The following NIBAN1 variants were observed in gnomAD, a reference collection of about 807,000 sequenced individuals.
The protein encoded by NIBAN1 is protein Niban 1.
Under a neutral mutation model 75.1 loss-of-function variants are expected in NIBAN1, and 81 were observed. The ratio of observed to expected loss-of-function variants is 1.08; its 90% CI spans 0.90 to 1.30. The LOEUF (loss-of-function observed/expected upper bound fraction) is 1.30, where lower values mean the gene tolerates loss of function less well. NIBAN1 is among the 50% of genes most tolerant of loss of function. The pLI, the probability that NIBAN1 is intolerant of heterozygous loss-of-function variation, is 0.00. For synonymous variants in NIBAN1, 436 were observed against 424.8 expected (o/e 1.03, Z -0.32); for missense variants, 1,133 against 1,128.1 (o/e 1.00, Z -0.06).
At chr1:184,867,871 G>A in intron 5 of NIBAN1, 1 of 985,426 alleles carries the variant, frequency 1.0e-6, no homozygotes, top group Non-Finnish European at 1.2e-6. Flanking sequence ...TACCTTAATA[G>A]AGGCTCTTTT....
chr1:184,948,910 T>C (rs1366131691), intron 1 of NIBAN1, among the ~76,000 whole-genome samples: 1 of 152,152 alleles, frequency 6.6e-6, no homozygotes. Context: ...GGATAATTTA[T>C]TTTTTTCTAT....
chr1:184,853,876 T>C (rs1444125897), intron 5 of NIBAN1, among the ~76,000 whole-genome samples: 1 of 152,162 alleles, frequency 6.6e-6, no homozygotes, highest in Non-Finnish European at 1.5e-5. Flanking sequence ...CCATTAAGAC[T>C]CTAGACTGGT....
intron 12 of NIBAN1, among the ~76,000 whole-genome samples, chr1:184,802,819 T>C (rs1436094348): frequency 6.6e-6 from 1 of 152,218 alleles, no homozygotes; most frequent in African/African-American, 2.4e-5. Flanking sequence ...GTGGTAGTAG[T>C]ACTTGATACC....
chr1:184,942,332 T>C (rs902942970), intron 1 of NIBAN1, among the ~76,000 whole-genome samples: 1 of 152,270 alleles, frequency 6.6e-6, no homozygotes, highest in Admixed American at 6.5e-5. Context: ...AGATGCAATC[T>C]GTGGGTTATA....
intron 13 of NIBAN1, among the ~76,000 whole-genome samples, chr1:184,797,777 C>G (rs1653917781): frequency 6.6e-6 from 1 of 152,222 alleles, no homozygotes; most frequent in East Asian, 1.9e-4. Flanking sequence ...TTTAATCTCA[C>G]TAAGCCTCAA....
intron 13 of NIBAN1, 102 bp downstream of exon 13, chr1:184,797,977 A>T: frequency 1.7e-6 from 1 of 591,746 alleles, no homozygotes; most frequent in Non-Finnish European, 2.9e-6. Flanking sequence ...ACCAATGTCC[A>T]TTTCCTCTTC....
At position 184,884,284 on chromosome 1, in the gene NIBAN1, C is replaced by T. The variant is rs1020764991; in HGVS notation, c.601+349G>A. On this transcript the variant is annotated intron_variant, in intron 5 of 13. Transcript: ENST00000367511. Reference sequence around the variant, plus strand: ...TGTCATCTGGGCTGGAGTGCAGTGGCGCGATCTCGGCTCACCACAGCCTCT... The same window carrying T: ...TGTCATCTGGGCTGGAGTGCAGTGGTGCGATCTCGGCTCACCACAGCCTCT... Among the ~76,000 whole-genome samples the T allele has an allele frequency of 3.0e-5, 4 of 135,368 alleles. 1 individual carries two copies. Among genetic ancestry groups the T allele is most frequent in the South Asian group, 2.4e-4 (1 of 4,184 alleles). The allele number at this position is 135,368 out of a possible 152,430, so 88.8% of individuals were successfully genotyped here.
intron 1 of NIBAN1, among the ~76,000 whole-genome samples, chr1:184,943,772 G>A (rs1175410934): frequency 6.6e-6 from 1 of 152,072 alleles, no homozygotes; most frequent in Non-Finnish European, 1.5e-5. Context: ...GCTCATATAA[G>A]TGGAATTTTA....
At chr1:184,908,978 C>A (rs1437081450) in intron 1 of NIBAN1, among the ~76,000 whole-genome samples, 1 of 152,160 alleles carries the variant, frequency 6.6e-6, no homozygotes, top group African/African-American at 2.4e-5. Flanking sequence ...GCCCATTAGA[C>A]AACCTTTCTT....
chr1:184,823,621 G>A lies in NIBAN1; in HGVS notation c.822+17C>T. ...CCATTTTGAGTAGCTCAGTTGTAGA[G>A]CAAAACCATTGCTTACACCAAGCCA... On this transcript the variant is annotated intron_variant, in intron 7 of 13. Transcript: ENST00000367511. 7 of 1,612,418 alleles carry A rather than the reference G, an allele frequency of 4.3e-6. No individual in the cohort carries two copies. Among genetic ancestry groups the A allele is most frequent in the Non-Finnish European group, 5.9e-6 (7 of 1,178,446 alleles).
intron 5 of NIBAN1, among the ~76,000 whole-genome samples, chr1:184,859,643 T>G (rs1655765055): frequency 6.6e-6 from 1 of 151,716 alleles, no homozygotes; most frequent in African/African-American, 2.4e-5. Context: ...GAGTTCTGAT[T>G]TTTTTTTTCT....
chr1:184,948,470 T>C (rs1458139036), intron 1 of NIBAN1, among the ~76,000 whole-genome samples: 8 of 152,228 alleles, frequency 5.3e-5, no homozygotes, highest in Non-Finnish European at 1.5e-5. Flanking sequence ...TGATGGCCTT[T>C]CTTTTTAAAA....
intron 9 of NIBAN1, among the ~76,000 whole-genome samples, chr1:184,808,924 ATGT>A (rs564252206): frequency 6.3e-4 from 96 of 152,342 alleles, no homozygotes; most frequent in Admixed American, 2.3e-3. Flanking sequence ...TTATCAACAA[ATGT>A]TGTTGCAACA....
intron 1 of NIBAN1, among the ~76,000 whole-genome samples, chr1:184,939,910 C>G (rs1658047751): frequency 1.3e-5 from 2 of 152,130 alleles, no homozygotes; most frequent in Non-Finnish European, 2.9e-5. Flanking sequence ...TCTCCACACT[C>G]CATTATGGCA....
rs1653777579 is a variant in NIBAN1 at position 184,794,354 on chromosome 1, G to C, written c.*623C>G. The stretch of plus-strand genomic sequence containing the variant: ...TAATAAGAAATTGATAGCAGGATGA[G>C]TAACAGGCCCAGACAGTCCCACAGA... On this transcript the variant is annotated 3_prime_UTR_variant, in exon 14 of 14. Coordinates refer to ENST00000367511, the MANE Select transcript of NIBAN1 (RefSeq NM_052966.4). 1 of 153,224 alleles carries C rather than the reference G, an allele frequency of 6.5e-6. No homozygotes were observed. Among genetic ancestry groups the C allele is most frequent in the South Asian group, 2.0e-4 (1 of 4,888 alleles). 9.5% of individuals were successfully genotyped at this position (153,224 alleles called of 1,614,324 possible).
In NIBAN1 at chr1:184,893,677, A is replaced by G. The variant is rs530561008; in HGVS notation, c.318+398T>C. Among the ~76,000 whole-genome samples, 4 of 152,292 alleles carry G rather than the reference A, an allele frequency of 2.6e-5. No homozygotes were observed. The South Asian group carries it at 8.3e-4, about 32-fold the overall frequency. ...GAGTGGGAAGACAGAGACATAGAGC[A>G]GAGATGTCAGGATGGTGGCTGAGAA... On this transcript the variant is annotated intron_variant, in intron 3 of 13. Coordinates refer to ENST00000367511, the MANE Select transcript of NIBAN1 (RefSeq NM_052966.4).
At chr1:184,970,434 A>G (rs959124853) in intron 1 of NIBAN1, among the ~76,000 whole-genome samples, 11 of 152,182 alleles carry the variant, frequency 7.2e-5, no homozygotes, top group African/African-American at 2.7e-4. Context: ...ACAGATGTGT[A>G]CAGCTCTCCC....
intron 1 of NIBAN1, among the ~76,000 whole-genome samples, chr1:184,937,138 C>A (rs1657982650): frequency 7.2e-6 from 1 of 139,482 alleles, no homozygotes. Context: ...CTGTTAATAG[C>A]TGGATTCTTT....
At chr1:184,812,702 C>G (rs1654418151) in intron 9 of NIBAN1, among the ~76,000 whole-genome samples, 1 of 152,206 alleles carries the variant, frequency 6.6e-6, no homozygotes, top group Non-Finnish European at 1.5e-5. Context: ...AAAGCCTTTG[C>G]AAACTCAAAG....
Sources: allele counts gnomAD v4.1 joint callset (sites outside exome capture counted in the v4.1 genomes callset), GRCh38; gene constraint gnomAD v4.1.1; transcripts MANE v1.5; gene names NCBI Gene and HGNC (gene_info 2026-07-23, HGNC 2026-07-21).